Variants in NCALD observed in about 807,000 individuals in gnomAD.
NCALD encodes the protein neurocalcin-delta.
Under a neutral mutation model 18.6 loss-of-function variants are expected in NCALD, and 10 were observed. The observed-to-expected ratio is 0.54, with a 90% CI of 0.33 to 0.91. NCALD has a LOEUF of 0.91. Ranked by LOEUF, NCALD falls within the 40% of genes least tolerant of loss-of-function variation. The pLI is 0.03. For missense variants in NCALD, 184 were observed against 247.6 expected, an observed-to-expected ratio of 0.74 and a Z score of 1.72; for synonymous variants, 88 against 87.4, an observed-to-expected ratio of 1.01 and a Z score of -0.04.
At chr8:101,897,340 G>A (rs537342150) in intron 3 of NCALD, among the ~76,000 whole-genome samples, 21 of 144,604 alleles carry the variant, frequency 1.5e-4, no homozygotes, top group East Asian at 1.0e-3. Context: ...CACAGGAAGC[G>A]GAATATCACA....
chr8:101,710,661 T>C (rs1815741488), intron 2 of NCALD, among the ~76,000 whole-genome samples: 1 of 152,242 alleles, frequency 6.6e-6, no homozygotes, highest in African/African-American at 2.4e-5. Flanking sequence ...AGGTTTGGAC[T>C]GGGCAGAGCC....
At chr8:102,089,577 T>G (rs1380485475) in intron 1 of NCALD, among the ~76,000 whole-genome samples, 1 of 152,158 alleles carries the variant, frequency 6.6e-6, no homozygotes, top group African/African-American at 2.4e-5. Context: ...AAAAGCGTAA[T>G]GCCTTTTAGT....
intron 1 of NCALD, among the ~76,000 whole-genome samples, chr8:102,082,724 G>A (rs1171129933): frequency 6.6e-6 from 1 of 152,136 alleles, no homozygotes; most frequent in Non-Finnish European, 1.5e-5. Flanking sequence ...AAACAGGAGC[G>A]AATTTTCAAG....
At chr8:101,785,399 T>C (rs1812184638) in intron 1 of NCALD, among the ~76,000 whole-genome samples, 1 of 152,184 alleles carries the variant, frequency 6.6e-6, no homozygotes, top group South Asian at 2.1e-4. Flanking sequence ...AGGGATGCCC[T>C]AATATTATTC....
At chr8:101,690,042 C>T (rs1814649094) in intron 3 of NCALD, among the ~76,000 whole-genome samples, 1 of 152,192 alleles carries the variant, frequency 6.6e-6, no homozygotes, top group Non-Finnish European at 1.5e-5. Flanking sequence ...GGGTTTCTGC[C>T]TCTCAGTTAG....
At chr8:101,755,104 G>A (rs942391014) in intron 1 of NCALD, among the ~76,000 whole-genome samples, 3 of 152,170 alleles carry the variant, frequency 2.0e-5, no homozygotes, top group Non-Finnish European at 4.4e-5. Flanking sequence ...TCTCATCTCT[G>A]CAACTAGACT....
In NCALD at chr8:101,902,637, G is replaced by C. The variant is rs369533240; in HGVS notation, c.-107+13172C>G. 5.0e-4 allele frequency among the ~76,000 whole-genome samples: 76 copies of C among 152,360 alleles called. 1 individual carries two copies. In the South Asian group the frequency reaches 0.015, roughly 30 times the overall value. On this transcript the variant is annotated intron_variant, in intron 3 of 6. Coordinates refer to the NCALD transcript ENST00000311028. ...AGCTGTAGCTTATCAGAGTGCTGCAGAGCTTTCCTCCTCTGGCCTTTTCAA... is the reference window on the plus strand; with the variant it reads ...AGCTGTAGCTTATCAGAGTGCTGCACAGCTTTCCTCCTCTGGCCTTTTCAA...
intron 4 of NCALD, among the ~76,000 whole-genome samples, chr8:101,799,403 A>G (rs1812755487): frequency 6.6e-6 from 1 of 152,224 alleles, no homozygotes; most frequent in Non-Finnish European, 1.5e-5. Context: ...AGTTACTATC[A>G]TGCAACTCAG....
intron 2 of NCALD, among the ~76,000 whole-genome samples, chr8:102,015,939 AAAG>A (rs907209043): frequency 2.0e-5 from 3 of 152,208 alleles, no homozygotes; most frequent in Non-Finnish European, 2.9e-5. Flanking sequence ...CACTCATTAA[AAAG>A]AAGAAGGGTG....
intron 2 of NCALD, among the ~76,000 whole-genome samples, chr8:102,008,962 A>ACACACACACC (rs1821810762): frequency 7.5e-6 from 1 of 132,720 alleles, no homozygotes; most frequent in African/African-American, 2.7e-5. Context: ...ACACACACAC[A>ACACACACACC]CACACAAGCC....
At position 102,106,258 on chromosome 8, in the gene NCALD, G is replaced by C. The variant is rs7002572; in HGVS notation, c.-210+17979C>G. On this transcript the variant is annotated intron_variant, in intron 1 of 6. Transcript: ENST00000311028. ...CTAATTTTTTTGGTATTTTTAGTAG[G>C]GGGGGTGGTTTCACCATGTTGGCCA... is the stretch of plus-strand genomic sequence containing the variant. 1.8e-4 allele frequency among the ~76,000 whole-genome samples: 27 copies of C among 151,316 alleles called. No homozygotes were observed. The East Asian group carries it at 4.5e-3, about 25-fold the overall frequency.
intron 2 of NCALD, among the ~76,000 whole-genome samples, 185 bp downstream of exon 2, chr8:101,719,067 G>T (rs1396879703): frequency 1.3e-5 from 2 of 152,154 alleles, no homozygotes; most frequent in Admixed American, 1.3e-4. Flanking sequence ...GACCAGTGTG[G>T]ATTTTTATGT....
intron 1 of NCALD, among the ~76,000 whole-genome samples, chr8:101,769,623 CTTTT>C (rs945146847): frequency 6.8e-6 from 1 of 146,312 alleles, no homozygotes; most frequent in African/African-American, 2.5e-5. Context: ...TTCTTTCTTC[CTTTT>C]TTTTTTTTCT....
intron 1 of NCALD, among the ~76,000 whole-genome samples, chr8:101,753,416 T>C (rs1454149769): frequency 6.6e-6 from 1 of 152,244 alleles, no homozygotes; most frequent in African/African-American, 2.4e-5. Flanking sequence ...TGCTGGTGGT[T>C]ACCCACAACC....
intron 1 of NCALD, among the ~76,000 whole-genome samples, chr8:101,780,333 T>C (rs1366930782): frequency 6.6e-6 from 1 of 152,174 alleles, no homozygotes; most frequent in African/African-American, 2.4e-5. Flanking sequence ...CAAGAACACA[T>C]TCCCAGTGTT....
chr8:101,719,475 T>C lies in NCALD; in HGVS notation c.155A>G (p.Tyr52Cys). 1 of 1,614,240 alleles carries C rather than the reference T, an allele frequency of 6.2e-7. No homozygotes were observed. The highest frequency in any genetic ancestry group is 8.5e-7 in the Non-Finnish European group (1 of 1,180,038). The change falls in exon 2 of 4, where the codon TAT (tyrosine) becomes TGT (cysteine). Residue 52 changes from tyrosine (Y) to cysteine (C), a missense_variant. Coordinates refer to ENST00000220931, the MANE Select transcript of NCALD (RefSeq NM_032041.3). ...ATCCCCATAAGGGAAAAAGTTCCCA[T>C]ATATTTTCTTAAACTCTTCCATTGA... ...HLSMEEFKKI[Y>C]GNFFPYGDAS...
chr8:102,007,136 G>A (rs1438585143), intron 2 of NCALD, among the ~76,000 whole-genome samples: 1 of 152,150 alleles, frequency 6.6e-6, no homozygotes, highest in Admixed American at 6.5e-5. Context: ...GTGATAGCCT[G>A]GATTAAACAG....
chr8:101,788,942 T>G (rs1812344074), intron 1 of NCALD: 1 of 136,286 alleles, frequency 7.3e-6, no homozygotes, highest in Non-Finnish European at 1.5e-5. Context: ...CAGCATAGGT[T>G]GTTTTCTTTT....
rs114452550 is a variant in NCALD, at chr8:101,780,444, T to C, written c.-20+10418A>G. 9.0e-4 allele frequency among the ~76,000 whole-genome samples: 137 copies of C among 152,300 alleles called. 1 individual carries two copies. The highest frequency in any genetic ancestry group is 3.2e-3 in the African/African-American group (132 of 41,570). Reference sequence around the variant, plus strand: ...AAACTTCCAATTAATTTAGGACTTTTAACAGATATTTTATTAGTTGAATAG... The same window carrying C: ...AAACTTCCAATTAATTTAGGACTTTCAACAGATATTTTATTAGTTGAATAG... On this transcript the variant is annotated intron_variant, in intron 1 of 3. Coordinates refer to ENST00000220931, the MANE Select transcript of NCALD (RefSeq NM_032041.3).
Sources: allele counts gnomAD v4.1 joint callset (sites outside exome capture counted in the v4.1 genomes callset), GRCh38; gene constraint gnomAD v4.1.1; transcripts MANE v1.5; gene names NCBI Gene and HGNC (gene_info 2026-07-23, HGNC 2026-07-21).